Variants in CLEC16A observed in about 807,000 individuals in gnomAD.
CLEC16A encodes the protein protein CLEC16A.
A neutral mutation model predicts 109.5 loss-of-function variants in CLEC16A; 51 were observed. The ratio of observed to expected loss-of-function variants is 0.47; its 90% CI spans 0.37 to 0.59. The LOEUF (loss-of-function observed/expected upper bound fraction) is 0.59, where lower values mean the gene tolerates loss of function less well. CLEC16A is among the 20% of genes least tolerant of loss of function. CLEC16A has a pLI of 0.00. For synonymous variants in CLEC16A, 673 were observed against 564.2 expected (o/e 1.19, Z -2.73); for missense variants, 1,339 against 1,394.0 (o/e 0.96, Z 0.63).
intron 22 of CLEC16A, among the ~76,000 whole-genome samples, chr16:11,140,209 C>G (rs557816044): frequency 8.7e-4 from 133 of 152,298 alleles, no homozygotes; most frequent in African/African-American, 3.1e-3. Flanking sequence ...GATGACCTCA[C>G]CGGCCCACAG....
intron 19 of CLEC16A, among the ~76,000 whole-genome samples, chr16:11,116,169 C>T (rs1047697238): frequency 5.3e-5 from 8 of 151,822 alleles, no homozygotes; most frequent in Admixed American, 1.3e-4. Context: ...GCAGGCGGAT[C>T]ACTTGAGGCC....
intron 19 of CLEC16A, among the ~76,000 whole-genome samples, chr16:11,111,807 T>C (rs1027632636): frequency 1.3e-5 from 2 of 152,244 alleles, no homozygotes; most frequent in Non-Finnish European, 2.9e-5. Flanking sequence ...ACCTTAATGA[T>C]TGTAAGTAAT....
intron 19 of CLEC16A, among the ~76,000 whole-genome samples, chr16:11,112,094 C>T (rs2051630049): frequency 6.6e-6 from 1 of 152,170 alleles, no homozygotes; most frequent in African/African-American, 2.4e-5. Flanking sequence ...TGTCTCAGTG[C>T]CGATGTGCCA....
intron 19 of CLEC16A, among the ~76,000 whole-genome samples, chr16:11,074,320 G>A (rs1356767858): frequency 6.6e-6 from 1 of 152,182 alleles, no homozygotes; most frequent in Non-Finnish European, 1.5e-5. Context: ...TCTTCCCTGT[G>A]TACTTGATGA....
intron 10 of CLEC16A, among the ~76,000 whole-genome samples, chr16:10,993,083 G>A (rs4781034): frequency 0.13 from 19,422 of 151,974 alleles, 1,433 homozygotes; most frequent in South Asian, 0.28. Flanking sequence ...AGAGAGGGAC[G>A]GTTTTCGTTT....
At chr16:11,100,157 A>G (rs1411934718) in intron 19 of CLEC16A, among the ~76,000 whole-genome samples, 1 of 152,182 alleles carries the variant, frequency 6.6e-6, no homozygotes, top group Non-Finnish European at 1.5e-5. Flanking sequence ...CTGTGCATCA[A>G]GCTGAAGAAG....
chr16:11,064,045 A>G (rs1408516886), intron 19 of CLEC16A, among the ~76,000 whole-genome samples: 1 of 152,052 alleles, frequency 6.6e-6, no homozygotes. Flanking sequence ...TTCTAGAGAA[A>G]ATAGCATCAT....
intron 19 of CLEC16A, among the ~76,000 whole-genome samples, chr16:11,110,811 C>T (rs1351906058): frequency 6.6e-6 from 1 of 152,154 alleles, no homozygotes; most frequent in Non-Finnish European, 1.5e-5. Context: ...GGTGATCGGC[C>T]CAGGGTCACA....
At chr16:10,957,975 C>A in intron 2 of CLEC16A, 65 bp downstream of exon 2, 1 of 1,497,882 alleles carries the variant, frequency 6.7e-7, no homozygotes, top group Non-Finnish European at 9.2e-7. Flanking sequence ...TAAATGTATA[C>A]TATGAGTCAT....
intron 2 of CLEC16A, among the ~76,000 whole-genome samples, chr16:10,960,491 G>A (rs1041842386): frequency 2.6e-5 from 4 of 152,164 alleles, no homozygotes; most frequent in African/African-American, 9.7e-5. Context: ...ATCATCACAA[G>A]GCATTCACAA....
At chr16:10,968,824 T>C (rs2042639939) in intron 3 of CLEC16A, among the ~76,000 whole-genome samples, 1 of 152,188 alleles carries the variant, frequency 6.6e-6, no homozygotes, top group Admixed American at 6.5e-5. Flanking sequence ...GGGTGGTTTG[T>C]GAAAATGCCC....
chr16:11,010,550 G>A (rs2045337826), intron 11 of CLEC16A, among the ~76,000 whole-genome samples: 1 of 151,992 alleles, frequency 6.6e-6, no homozygotes, highest in South Asian at 2.1e-4. Flanking sequence ...TATTTTCTCT[G>A]TCTGCACACC....
At chr16:11,022,941 G>C in intron 12 of CLEC16A, among the ~76,000 whole-genome samples, 1 of 148,238 alleles carries the variant, frequency 6.7e-6, no homozygotes, top group East Asian at 2.0e-4. Flanking sequence ...ATAGGCCTAA[G>C]AAACTTAAAG....
chr16:11,079,620 AC>A (rs375092727), intron 19 of CLEC16A, among the ~76,000 whole-genome samples: 10 of 152,096 alleles, frequency 6.6e-5, no homozygotes, highest in African/African-American at 2.4e-4. Context: ...TACTACCTAT[AC>A]CCTGGCCTTT....
chr16:11,021,437 A>AT (rs2046091061), intron 12 of CLEC16A, among the ~76,000 whole-genome samples: 2 of 152,238 alleles, frequency 1.3e-5, no homozygotes, highest in Non-Finnish European at 2.9e-5. Flanking sequence ...TAGACTATAA[A>AT]TAATTAGAAG....
chr16:11,007,388 T>C (rs1210181514), intron 11 of CLEC16A, among the ~76,000 whole-genome samples: 2 of 152,148 alleles, frequency 1.3e-5, no homozygotes, highest in African/African-American at 4.8e-5. Flanking sequence ...CTTTCAAAAT[T>C]AGAGCCAGCC....
At chr16:11,151,045 T>C (rs113785372) in intron 22 of CLEC16A, among the ~76,000 whole-genome samples, 118 of 152,260 alleles carry the variant, frequency 7.7e-4, no homozygotes, top group African/African-American at 2.7e-3. Flanking sequence ...ATGACCCCAT[T>C]TCCAAACGAG....
At chr16:11,075,843 T>G (rs570314310) in intron 19 of CLEC16A, among the ~76,000 whole-genome samples, 2 of 152,206 alleles carry the variant, frequency 1.3e-5, no homozygotes, top group South Asian at 4.1e-4. Flanking sequence ...GGCGTCTTGA[T>G]AGAGCCCAGT....
At chr16:11,021,086 A>G (rs914504740) in intron 12 of CLEC16A, among the ~76,000 whole-genome samples, 2 of 152,194 alleles carry the variant, frequency 1.3e-5, no homozygotes, top group African/African-American at 4.8e-5. Flanking sequence ...CCTGCGAGGC[A>G]TTCACTTCCT....
Sources: gnomAD v4.1 joint callset for allele counts (sites outside exome capture counted in the v4.1 genomes callset) on GRCh38, gnomAD v4.1.1 for gene constraint, MANE v1.5 for transcripts, NCBI Gene and HGNC (gene_info 2026-07-23, HGNC 2026-07-21) for gene names.